Variants in CD274 observed in about 807,000 individuals in gnomAD.
CD274 encodes the protein programmed cell death 1 ligand 1.
In CD274, 8 loss-of-function variants were observed where a neutral mutation model predicts 30.1. That is an observed-to-expected ratio of 0.27 (90% CI 0.16 to 0.48). CD274 has a LOEUF of 0.48. Among genes scored for constraint, CD274 ranks in the 20% least tolerant of loss-of-function variants. The pLI, the probability that CD274 is intolerant of heterozygous loss-of-function variation, is 0.99. For missense variants in CD274, 353 were observed against 346.6 expected, an observed-to-expected ratio of 1.02 and a Z score of -0.15; for synonymous variants, 152 against 124.6, an observed-to-expected ratio of 1.22 and a Z score of -1.46.
At chr9:5,457,549 C>A in intron 3 of CD274, 129 bp downstream of exon 3, 1 of 712,134 alleles carries the variant, frequency 1.4e-6, no homozygotes, top group Non-Finnish European at 2.3e-6. Flanking sequence ...TTCATTCATT[C>A]AATTCATGAA....
chr9:5,455,143 CTCTT>C (rs35855270), intron 1 of CD274, among the ~76,000 whole-genome samples: 10,696 of 152,014 alleles, frequency 0.07, 1,282 homozygotes, highest in African/African-American at 0.24. Flanking sequence ...GAAAACTTAC[CTCTT>C]TCTTATCAAA....
chr9:5,461,477 A>G (rs1281442586), intron 3 of CD274, among the ~76,000 whole-genome samples: 1 of 152,134 alleles, frequency 6.6e-6, no homozygotes, highest in Non-Finnish European at 1.5e-5. Flanking sequence ...TCATTGATAT[A>G]GGAGTATCAA....
intron 5 of CD274, 47 bp downstream of exon 5, chr9:5,465,653 G>T (rs745892005): frequency 8.8e-7 from 1 of 1,135,768 alleles, no homozygotes; most frequent in East Asian, 2.4e-5. Flanking sequence ...GTGAGGAAGG[G>T]GTGAGAATTG....
chr9:5,454,852 G>C (rs1819272209), intron 1 of CD274, among the ~76,000 whole-genome samples: 1 of 152,126 alleles, frequency 6.6e-6, no homozygotes, highest in Non-Finnish European at 1.5e-5. Context: ...AAGCTCATAA[G>C]TGAAAATGGT....
intron 3 of CD274, among the ~76,000 whole-genome samples, chr9:5,458,848 G>A (rs182547680): frequency 3.3e-5 from 5 of 152,206 alleles, no homozygotes; most frequent in Admixed American, 6.5e-5. Flanking sequence ...CAGTCCATCC[G>A]CAAATATCAG....
At chr9:5,459,274 T>C (rs1819361293) in intron 3 of CD274, among the ~76,000 whole-genome samples, 1 of 152,254 alleles carries the variant, frequency 6.6e-6, no homozygotes, top group Non-Finnish European at 1.5e-5. Flanking sequence ...TAATTGGCAT[T>C]CTACTCCCAA....
intron 3 of CD274, among the ~76,000 whole-genome samples, chr9:5,462,417 A>G (rs1422351874): frequency 6.6e-6 from 1 of 152,210 alleles, no homozygotes; most frequent in Non-Finnish European, 1.5e-5. Flanking sequence ...ACAAATGGAG[A>G]GGGATATTTT....
chr9:5,463,332 C>A (rs894355256), intron 4 of CD274: 1 of 567,760 alleles, frequency 1.8e-6, no homozygotes, highest in African/African-American at 1.9e-5. Flanking sequence ...ATGGAATATA[C>A]CTTTTGTTCC....
chr9:5,461,493 C>A (rs1819403794), intron 3 of CD274, among the ~76,000 whole-genome samples: 1 of 152,006 alleles, frequency 6.6e-6, no homozygotes. Flanking sequence ...ATCAAAACAT[C>A]ACTCATTATT....
At chr9:5,455,138 C>A (rs190372697) in intron 1 of CD274, among the ~76,000 whole-genome samples, 39 of 149,010 alleles carry the variant, frequency 2.6e-4, no homozygotes, top group African/African-American at 9.4e-4. Context: ...AGAGGGAAAA[C>A]TTACCTCTTT....
In CD274 at chr9:5,469,892, T is replaced by G. The variant is rs1819562010; in HGVS notation, c.*2030T>G. The G allele has an allele frequency of 4.3e-6, 1 of 233,092 alleles. No individual in the cohort carries two copies. The highest frequency in any genetic ancestry group is 8.5e-6 in the Non-Finnish European group (1 of 117,970). The allele number at this position is 233,092 out of a possible 1,614,324, so 14.4% of individuals were successfully genotyped here. A position where few individuals can be genotyped will look rare whatever the true frequency, so the allele number is the denominator to read the frequency against. Reference sequence around the variant, plus strand: ...CTTTTGTTTTCTGCTTTCTGTCAAGTATAAACTTCACTTTGATGCTGTACT... The same window carrying G: ...CTTTTGTTTTCTGCTTTCTGTCAAGGATAAACTTCACTTTGATGCTGTACT... On this transcript the variant is annotated 3_prime_UTR_variant, in exon 7 of 7. Coordinates refer to ENST00000381577, the MANE Select transcript of CD274 (RefSeq NM_014143.4).
intron 1 of CD274, 105 bp from the exon 2 acceptor site, chr9:5,455,995 G>T: frequency 1.4e-6 from 1 of 716,618 alleles, no homozygotes; most frequent in East Asian, 2.7e-5. Context: ...ATCATGACTG[G>T]TTATTAGAAG....
rs568260947 is a variant in CD274, at chr9:5,467,489, T to C, written c.851-351T>C. Among the ~76,000 whole-genome samples, 11 of 152,284 alleles carry C rather than the reference T, an allele frequency of 7.2e-5. No individual in the cohort carries two copies. The South Asian group carries it at 1.7e-3, about 23-fold the overall frequency. On this transcript the variant is annotated intron_variant, in intron 6 of 6. Coordinates refer to ENST00000381577, the MANE Select transcript of CD274 (RefSeq NM_014143.4). ...AGGTTTCTAATTTTTTTAATGTAGT[T>C]AGAAACCAAACTTAACAATGAGCCC...
rs2131213108 is a variant in CD274, at chr9:5,457,432, T to A, written c.394+12T>A. The A allele has an allele frequency of 6.2e-7, 1 of 1,601,974 alleles. No individual in the cohort carries two copies. Among genetic ancestry groups the A allele is most frequent in the South Asian group, 1.1e-5 (1 of 90,796 alleles). ...TGTGAAAGTCAATGGTAAGAATTATTATAGATGAGAGGCCTGATCTTTATT... is the reference window on the plus strand; with the variant it reads ...TGTGAAAGTCAATGGTAAGAATTATAATAGATGAGAGGCCTGATCTTTATT... On this transcript the variant is annotated intron_variant, in intron 3 of 6. Coordinates refer to ENST00000381577, the MANE Select transcript of CD274 (RefSeq NM_014143.4).
rs1032708362 is a variant in CD274, at chr9:5,469,299, A to G, written c.*1437A>G. On this transcript the variant is annotated 3_prime_UTR_variant, in exon 7 of 7. Coordinates refer to ENST00000381577, the MANE Select transcript of CD274 (RefSeq NM_014143.4). ...GTTCTGTCTTTTCTATTTAAATGCC[A>G]CTAAATTTTAAATTCATACCTTTCC... 4.3e-6 allele frequency: 1 copy of G among 232,834 alleles called. No homozygotes were observed. The highest frequency in any genetic ancestry group is 8.5e-6 in the Non-Finnish European group (1 of 117,802). 14.4% of individuals were successfully genotyped at this position (232,834 alleles called of 1,614,324 possible).
chr9:5,465,641 G>A (rs1483344526), intron 5 of CD274, 35 bp downstream of exon 5: 2 of 1,211,940 alleles, frequency 1.7e-6, no homozygotes, highest in Non-Finnish European at 2.5e-6. Context: ...TCTCCACTGG[G>A]GGTGAGGAAG....
chr9:5,452,150 G>C (rs1162509550), intron 1 of CD274, among the ~76,000 whole-genome samples: 1 of 151,072 alleles, frequency 6.6e-6, no homozygotes, highest in African/African-American at 2.4e-5. Flanking sequence ...CCGAGTAGCT[G>C]GGACTACAGG....
rs750625479 is a variant in CD274 at position 5,467,828 on chromosome 9, A to G, written c.851-12A>G. Reference sequence around the variant, plus strand: ...CTTCCCATGAAATTAATATACTATTATCACTCTCCAGATACACATTTGGAG... The same window carrying G: ...CTTCCCATGAAATTAATATACTATTGTCACTCTCCAGATACACATTTGGAG... On this transcript the variant is annotated splice_polypyrimidine_tract_variant and intron_variant, in intron 6 of 6. Transcript: ENST00000381577. 1.4e-5 allele frequency: 23 copies of G among 1,602,714 alleles called. No individual in the cohort carries two copies. Among genetic ancestry groups the G allele is most frequent in the Middle Eastern group, 1.7e-4 (1 of 6,058 alleles).
chr9:5,467,518 T>G (rs1213198362), intron 6 of CD274, among the ~76,000 whole-genome samples: 1 of 152,194 alleles, frequency 6.6e-6, no homozygotes, highest in Non-Finnish European at 1.5e-5. Context: ...TGAGCCCAAG[T>G]TTAAAGCAGT....
Sources: gnomAD v4.1 joint callset for allele counts (sites outside exome capture counted in the v4.1 genomes callset) on GRCh38, gnomAD v4.1.1 for gene constraint, MANE v1.5 for transcripts, NCBI Gene and HGNC (gene_info 2026-07-23, HGNC 2026-07-21) for gene names.